The following USH2A variants were observed in gnomAD, a reference collection of about 807,000 sequenced individuals.
USH2A encodes the protein Usher syndrome 2A (autosomal recessive, mild).
USH2A carries 443 observed loss-of-function variants against 538.9 expected under a neutral mutation model. The ratio of observed to expected loss-of-function variants is 0.82; its 90% CI spans 0.76 to 0.89. The LOEUF is 0.89. Among genes scored for constraint, USH2A ranks in the 40% least tolerant of loss-of-function variants. USH2A has a pLI of 0.00. For synonymous variants in USH2A, 2,413 were observed against 2,273.5 expected (o/e 1.06, Z -1.75); for missense variants, 6,633 against 6,324.8 (o/e 1.05, Z -1.65).
At chr1:216,199,088 C>A (rs1255146338) in intron 17 of USH2A, among the ~76,000 whole-genome samples, 2 of 152,020 alleles carry the variant, frequency 1.3e-5, no homozygotes, top group African/African-American at 2.4e-5. Flanking sequence ...CTTTACAAAT[C>A]TAAAGAAAGA....
At chr1:216,327,453 A>C in intron 5 of USH2A, 138 bp downstream of exon 5, 1 of 971,422 alleles carries the variant, frequency 1.0e-6, no homozygotes, top group Non-Finnish European at 1.6e-6. Flanking sequence ...CAAAGCAAAC[A>C]CTGTAAACAT....
At chr1:216,144,858 G>T (rs1460215096) in intron 21 of USH2A, among the ~76,000 whole-genome samples, 2 of 152,028 alleles carry the variant, frequency 1.3e-5, no homozygotes, top group African/African-American at 4.8e-5. Context: ...CCATTCTCAG[G>T]TCTTCAACTT....
chr1:215,888,207 G>A (rs1665113982), intron 41 of USH2A, among the ~76,000 whole-genome samples: 1 of 152,136 alleles, frequency 6.6e-6, no homozygotes, highest in South Asian at 2.1e-4. Flanking sequence ...GAGGCAAATG[G>A]AAGCATCTCA....
Position 216,113,108 on chromosome 1 carries a change from A to G in USH2A, c.4628-15895T>C, listed in dbSNP as rs536523808. The stretch of plus-strand genomic sequence containing the variant: ...CTGTCTAAATGTGACCCTTATAAGG[A>G]CTGATCATGCTTTACAACCTCCAAA... On this transcript the variant is annotated intron_variant, in intron 21 of 71. Transcript: ENST00000307340. Among the ~76,000 whole-genome samples, 4 of 149,868 alleles carry G rather than the reference A, an allele frequency of 2.7e-5. No homozygotes were observed. The Admixed American group carries it at 2.7e-4, about 10-fold the overall frequency.
At chr1:216,280,938 C>A (rs576533939) in intron 11 of USH2A, among the ~76,000 whole-genome samples, 1 of 152,246 alleles carries the variant, frequency 6.6e-6, no homozygotes, top group Admixed American at 6.5e-5. Context: ...ATTGAAATTG[C>A]ATGAATTTTT....
chr1:215,898,515 A>G (rs965298028), intron 40 of USH2A, among the ~76,000 whole-genome samples: 1 of 152,078 alleles, frequency 6.6e-6, no homozygotes, highest in Admixed American at 6.6e-5. Context: ...TTCAGTGAAA[A>G]TTGTGGGGAG....
chr1:215,805,399 A>G (rs1662471904), intron 49 of USH2A, among the ~76,000 whole-genome samples: 1 of 152,110 alleles, frequency 6.6e-6, no homozygotes, highest in Non-Finnish European at 1.5e-5. Flanking sequence ...AGAGACCAAA[A>G]ACAGAATGGT....
intron 9 of USH2A, among the ~76,000 whole-genome samples, chr1:216,311,747 C>G (rs763544331): frequency 6.6e-6 from 1 of 151,908 alleles, no homozygotes; most frequent in Non-Finnish European, 1.5e-5. Flanking sequence ...TAATGTCATG[C>G]GAGAGTTCCA....
chr1:216,384,684 T>C (rs1284434035), intron 3 of USH2A, among the ~76,000 whole-genome samples: 2 of 152,122 alleles, frequency 1.3e-5, no homozygotes, highest in African/African-American at 4.8e-5. Context: ...ACCTGTTTTT[T>C]TTCAGTAATA....
intron 20 of USH2A, among the ~76,000 whole-genome samples, 185 bp from the exon 21 acceptor site, chr1:216,175,667 A>C (rs1160234797): frequency 1.3e-5 from 2 of 152,218 alleles, no homozygotes; most frequent in Admixed American, 1.3e-4. Flanking sequence ...AAATGCAGTG[A>C]AACAAAATTT....
chr1:215,767,877 G>C (rs141895601), intron 55 of USH2A, among the ~76,000 whole-genome samples: 1 of 151,976 alleles, frequency 6.6e-6, no homozygotes, highest in Non-Finnish European at 1.5e-5. Flanking sequence ...TTGACTCTTG[G>C]GAAAGTTCAA....
chr1:216,388,261 A>G (rs2039039633), intron 3 of USH2A, among the ~76,000 whole-genome samples: 1 of 152,202 alleles, frequency 6.6e-6, no homozygotes, highest in Admixed American at 6.5e-5. Context: ...GTCAGGGAAT[A>G]ATACCTTTTC....
chr1:216,039,938 T>C (rs1194633616), intron 32 of USH2A, among the ~76,000 whole-genome samples: 1 of 151,862 alleles, frequency 6.6e-6, no homozygotes, highest in Non-Finnish European at 1.5e-5. Flanking sequence ...TGGTTAGACA[T>C]AAATAATTAT....
chr1:216,284,743 G>A (rs915479567), intron 11 of USH2A, among the ~76,000 whole-genome samples: 1 of 152,194 alleles, frequency 6.6e-6, no homozygotes, highest in Admixed American at 6.5e-5. Context: ...ACAGAAAGAT[G>A]TGGGAAAGTT....
chr1:216,353,339 G>A (rs930463437), intron 4 of USH2A, among the ~76,000 whole-genome samples: 3 of 152,036 alleles, frequency 2.0e-5, no homozygotes, highest in Non-Finnish European at 4.4e-5. Flanking sequence ...AACAAACAGA[G>A]CCGCTGGGGG....
At chr1:215,814,705 A>G (rs1662809489) in intron 48 of USH2A, among the ~76,000 whole-genome samples, 1 of 152,076 alleles carries the variant, frequency 6.6e-6, no homozygotes, top group Admixed American at 6.6e-5. Flanking sequence ...CCTCCCAGTC[A>G]TGCTTCCTGT....
chr1:216,083,342 C>T, intron 26 of USH2A, 114 bp downstream of exon 26: 1 of 1,226,778 alleles, frequency 8.2e-7, no homozygotes, highest in African/African-American at 1.5e-5. Context: ...AAAAAATGAA[C>T]AAATGTGAAT....
intron 51 of USH2A, 43 bp downstream of exon 51, chr1:215,790,016 C>A: frequency 6.4e-7 from 1 of 1,560,250 alleles, no homozygotes; most frequent in Non-Finnish European, 8.8e-7. Flanking sequence ...ATTTCTCTTT[C>A]CATTGTCAAA....
chr1:216,019,999 TAA>T (rs1052250218), intron 32 of USH2A, among the ~76,000 whole-genome samples: 16 of 152,216 alleles, frequency 1.1e-4, no homozygotes, highest in Non-Finnish European at 2.4e-4. Flanking sequence ...TGGCCCATTA[TAA>T]GATATTTAAT....
Sources: allele counts gnomAD v4.1 joint callset (sites outside exome capture counted in the v4.1 genomes callset), GRCh38; gene constraint gnomAD v4.1.1; transcripts MANE v1.5; gene names NCBI Gene and HGNC (gene_info 2026-07-23, HGNC 2026-07-21).